MYO1B: variants seen among roughly 807,000 people sequenced by gnomAD.
MYO1B encodes myosin IB, also known as unconventional myosin-Ib.
A neutral mutation model predicts 159.7 loss-of-function variants in MYO1B; 72 were observed. The observed-to-expected ratio is 0.45, with a 90% CI of 0.37 to 0.55. MYO1B has a LOEUF of 0.55. Among genes scored for constraint, MYO1B ranks in the 20% least tolerant of loss-of-function variants. The pLI, the probability that MYO1B is intolerant of heterozygous loss-of-function variation, is 0.00. For synonymous variants in MYO1B, 468 were observed against 473.8 expected, an observed-to-expected ratio of 0.99 and a Z score of 0.16; for missense variants, 1,062 against 1,364.8, an observed-to-expected ratio of 0.78 and a Z score of 3.50.
rs537408582 is a variant in MYO1B at position 191,252,542 on chromosome 2, TTA to T, written c.-10+6920_-10+6921del. On this transcript the variant is annotated intron_variant, in intron 1 of 30. Coordinates refer to ENST00000392318, the MANE Select transcript of MYO1B (RefSeq NM_001130158.3). The stretch of plus-strand genomic sequence containing the variant: ...TTCACACTTTAAAGATAGAACTTGA[TTA>T]TATTGGTATTTTTATTTCAAATTTT... 2.6e-3 allele frequency among the ~76,000 whole-genome samples: 401 copies of T among 152,310 alleles called. 3 individuals carry two copies. The highest frequency in any genetic ancestry group is 8.9e-3 in the African/African-American group (370 of 41,572).
rs935475523 is a variant in MYO1B at position 191,414,657 on chromosome 2, C to G, written c.3147C>G (p.Val1049=). ...CACAAAATGATGGCTTCTTCGCCGTCCACCTCAAAGAGGTAAAGGTTCAAC... is the reference window on the plus strand; with the variant it reads ...CACAAAATGATGGCTTCTTCGCCGTGCACCTCAAAGAGGTAAAGGTTCAAC... ...MSSQNDGFFA[V]HLKEGSEAAS... The change falls in exon 29 of 31, where the codon GTC becomes GTG. Residue 1049 remains valine (V), a synonymous_variant. Coordinates refer to ENST00000392318, the MANE Select transcript of MYO1B (RefSeq NM_001130158.3). 3 of 1,611,158 alleles carry G rather than the reference C, an allele frequency of 1.9e-6. No individual in the cohort carries two copies. In the African/African-American group the frequency reaches 4.0e-5, roughly 22 times the overall value.
chr2:191,394,896 A>G (rs1695972599), intron 20 of MYO1B, among the ~76,000 whole-genome samples: 1 of 152,198 alleles, frequency 6.6e-6, no homozygotes, highest in African/African-American at 2.4e-5. Flanking sequence ...GTTTTAGAGA[A>G]TGCATTAACT....
At chr2:191,417,373 A>C (rs1697642388) in intron 30 of MYO1B, among the ~76,000 whole-genome samples, 1 of 152,220 alleles carries the variant, frequency 6.6e-6, no homozygotes, top group Non-Finnish European at 1.5e-5. Flanking sequence ...TTAGGAAAAA[A>C]ATAATGGTTG....
chr2:191,317,714 C>A (rs985752145), intron 3 of MYO1B, among the ~76,000 whole-genome samples: 9 of 152,086 alleles, frequency 5.9e-5, no homozygotes, highest in African/African-American at 2.2e-4. Context: ...TACAGACCAG[C>A]ATTAGAGAGA....
chr2:191,250,690 T>A (rs1429370135), intron 1 of MYO1B, among the ~76,000 whole-genome samples: 1 of 152,204 alleles, frequency 6.6e-6, no homozygotes, highest in African/African-American at 2.4e-5. Context: ...TTTCTGTAGG[T>A]TGATTTCCTT....
At chr2:191,298,347 G>C (rs1299165942) in intron 3 of MYO1B, among the ~76,000 whole-genome samples, 2 of 152,236 alleles carry the variant, frequency 1.3e-5, no homozygotes, top group East Asian at 3.9e-4. Flanking sequence ...GTTTTATAAA[G>C]TTATCCTGAT....
chr2:191,260,987 C>G (rs115233045), intron 1 of MYO1B, among the ~76,000 whole-genome samples: 1,998 of 152,338 alleles, frequency 0.013, 22 homozygotes, highest in Non-Finnish European at 0.021. Context: ...TGTCCAGACT[C>G]ACAGCTTTAG....
Position 191,424,513 on chromosome 2 carries a change from A to G in MYO1B, c.*553A>G, listed in dbSNP as rs1357781695. The G allele has an allele frequency of 6.6e-6, 1 of 152,350 alleles. No individual in the cohort carries two copies. Among genetic ancestry groups the G allele is most frequent in the Non-Finnish European group, 1.5e-5 (1 of 68,148 alleles). The allele number at this position is 152,350 out of a possible 1,614,324, so 9.4% of individuals were successfully genotyped here. A position where few individuals can be genotyped will look rare whatever the true frequency, so the allele number is the denominator to read the frequency against. On this transcript the variant is annotated 3_prime_UTR_variant, in exon 31 of 31. Transcript: ENST00000392318. ...ACAGCATTATTAGGAACCCTGTAGT[A>G]TGATATTTAACAATATAGGCTTCAA...
At position 191,397,182 on chromosome 2, in the gene MYO1B, T is replaced by A. The variant is rs555866781; in HGVS notation, c.2295+685T>A. ...TGTAGGTGGGATGTATTTTTTTTAT[T>A]TTTTATTTTATTTTATTTATTTTTT... On this transcript the variant is annotated intron_variant, in intron 21 of 30. Coordinates refer to ENST00000392318, the MANE Select transcript of MYO1B (RefSeq NM_001130158.3). Among the ~76,000 whole-genome samples, 16 of 148,184 alleles carry A rather than the reference T, an allele frequency of 1.1e-4. No individual in the cohort carries two copies. The South Asian group carries it at 3.2e-3, about 30-fold the overall frequency.
intron 2 of MYO1B, among the ~76,000 whole-genome samples, chr2:191,279,760 T>C (rs1382016014): frequency 6.6e-6 from 1 of 150,610 alleles, no homozygotes; most frequent in African/African-American, 2.5e-5. Context: ...AAAATGAAGA[T>C]GCAGTTAAAA....
At chr2:191,408,026 G>A in intron 24 of MYO1B, 89 bp from the exon 25 acceptor site, 1 of 794,420 alleles carries the variant, frequency 1.3e-6, no homozygotes, top group Non-Finnish European at 2.1e-6. Flanking sequence ...TGACTTGTTT[G>A]ACATTTTTTC....
chr2:191,396,515 A>G lies in MYO1B; in HGVS notation c.2295+18A>G, dbSNP rs1332416422. The G allele has an allele frequency of 4.3e-6, 7 of 1,613,258 alleles. No individual in the cohort carries two copies. Among genetic ancestry groups the G allele is most frequent in the Non-Finnish European group, 2.5e-6 (3 of 1,179,222 alleles). ...GTTGGAAGGTGAGTTTAAAAGAAGTATGCTTTATTTATTTTGGGTTTTCTG... is the reference window on the plus strand; with the variant it reads ...GTTGGAAGGTGAGTTTAAAAGAAGTGTGCTTTATTTATTTTGGGTTTTCTG... On this transcript the variant is annotated intron_variant, in intron 21 of 30. Transcript: ENST00000392318.
At chr2:191,416,088 T>C in intron 29 of MYO1B, 27 bp from the exon 30 acceptor site, 1 of 1,605,254 alleles carries the variant, frequency 6.2e-7, no homozygotes. Context: ...TCTTTAATTA[T>C]GACCGACTCT....
intron 3 of MYO1B, among the ~76,000 whole-genome samples, chr2:191,322,202 T>A (rs1028330566): frequency 6.6e-6 from 1 of 152,162 alleles, no homozygotes. Context: ...TAGGTACTGT[T>A]TTCTTTGAAG....
At chr2:191,324,663 A>G (rs576878489) in intron 3 of MYO1B, among the ~76,000 whole-genome samples, 2 of 152,118 alleles carry the variant, frequency 1.3e-5, no homozygotes, top group African/African-American at 2.4e-5. Context: ...AGCTTGGACT[A>G]TTTAGGAATG....
At chr2:191,396,107 T>G (rs1246515246) in intron 20 of MYO1B, among the ~76,000 whole-genome samples, 2 of 152,110 alleles carry the variant, frequency 1.3e-5, no homozygotes, top group Non-Finnish European at 2.9e-5. Context: ...CTCAGTGGGT[T>G]TTCATTCAAT....
chr2:191,340,245 C>T (rs1253120340), intron 4 of MYO1B, among the ~76,000 whole-genome samples: 1 of 151,904 alleles, frequency 6.6e-6, no homozygotes, highest in East Asian at 1.9e-4. Context: ...AAACAGCATT[C>T]TAGATCCTTT....
At chr2:191,290,502 TTAAACATTTTG>T (rs1366358134) in intron 2 of MYO1B, among the ~76,000 whole-genome samples, 2 of 152,226 alleles carry the variant, frequency 1.3e-5, no homozygotes, top group African/African-American at 4.8e-5. Flanking sequence ...CCAACAGTTT[TTAAACATTTTG>T]TAAAAAATAT....
chr2:191,354,073 T>A (rs1297290137), intron 7 of MYO1B, among the ~76,000 whole-genome samples: 1 of 151,934 alleles, frequency 6.6e-6, no homozygotes, highest in Non-Finnish European at 1.5e-5. Flanking sequence ...CTGATCAACA[T>A]GGTGAAACCC....
Sources: gnomAD v4.1 joint callset for allele counts (sites outside exome capture counted in the v4.1 genomes callset) on GRCh38, gnomAD v4.1.1 for gene constraint, MANE v1.5 for transcripts, NCBI Gene and HGNC (gene_info 2026-07-23, HGNC 2026-07-21) for gene names.